The following C6 variants were observed in gnomAD, a reference collection of about 807,000 sequenced individuals.
The protein encoded by C6 is complement C6.
Under a neutral mutation model 112.9 loss-of-function variants are expected in C6, and 101 were observed. That is an observed-to-expected ratio of 0.89 (90% CI 0.76 to 1.06). C6 has a LOEUF of 1.06. Ranked by LOEUF, C6 falls within the 50% of genes least tolerant of loss-of-function variation. C6 has a pLI of 0.00. For synonymous variants in C6, 431 were observed against 384.1 expected, an observed-to-expected ratio of 1.12 and a Z score of -1.43; for missense variants, 1,202 against 1,104.6, an observed-to-expected ratio of 1.09 and a Z score of -1.25.
upstream of C6, among the ~76,000 whole-genome samples, chr5:41,216,781 C>A (rs982198106): frequency 1.3e-5 from 2 of 152,038 alleles, no homozygotes; most frequent in African/African-American, 4.8e-5. Context: ...GGTCTCTGAG[C>A]TTTAGAACTC....
intron 1 of C6, among the ~76,000 whole-genome samples, chr5:41,210,693 A>C (rs935168796): frequency 6.6e-6 from 1 of 152,200 alleles, no homozygotes; most frequent in Non-Finnish European, 1.5e-5. Flanking sequence ...GTGAGATACC[A>C]TCTCACACCA....
chr5:41,225,749 CAG>C (rs1249713847), intron 1 of C6, among the ~76,000 whole-genome samples: 2 of 152,086 alleles, frequency 1.3e-5, no homozygotes, highest in Admixed American at 1.3e-4. Context: ...GGTACCAAAA[CAG>C]AGATATAGAC....
At chr5:41,222,908 A>G (rs945343423) in intron 1 of C6, among the ~76,000 whole-genome samples, 1 of 152,194 alleles carries the variant, frequency 6.6e-6, no homozygotes, top group African/African-American at 2.4e-5. Flanking sequence ...TTAAATGGGA[A>G]TAAATTTAAT....
intron 1 of C6, among the ~76,000 whole-genome samples, chr5:41,222,548 A>G (rs903683789): frequency 6.6e-6 from 1 of 152,166 alleles, no homozygotes; most frequent in African/African-American, 2.4e-5. Context: ...AAAGTTTCTA[A>G]CAAGTTTCCT....
At chr5:41,187,705 C>CACA (rs1376741038) in intron 5 of C6, among the ~76,000 whole-genome samples, 1 of 115,440 alleles carries the variant, frequency 8.7e-6, no homozygotes, top group Non-Finnish European at 1.9e-5. Context: ...CACATACACA[C>CACA]ACACACACAC....
chr5:41,181,496 T>C lies in C6; in HGVS notation c.790A>G (p.Asn264Asp). 1 of 1,613,804 alleles carries C rather than the reference T, an allele frequency of 6.2e-7. No homozygotes were observed. Among genetic ancestry groups the C allele is most frequent in the Non-Finnish European group, 8.5e-7 (1 of 1,179,850 alleles). ...FYKDLTSLGH[N>D]ENQQGSFSSQ... is the part of the protein sequence containing the mutation. Reference sequence around the variant, plus strand: ...GAGAATGAGCCTTGTTGATTTTCATTGTGTCCAAGAGAAGTTAAATCCTTG... The same window carrying C: ...GAGAATGAGCCTTGTTGATTTTCATCGTGTCCAAGAGAAGTTAAATCCTTG... Residue 264 changes from asparagine to aspartate, a missense_variant, in exon 7 of 18, where the codon AAT (asparagine) becomes GAT (aspartate). Asn to Asp is a conservative substitution (Grantham distance 23). Coordinates refer to ENST00000337836, the MANE Select transcript of C6 (RefSeq NM_000065.5).
upstream of C6, among the ~76,000 whole-genome samples, chr5:41,218,305 T>TG (rs1738928159): frequency 6.6e-6 from 1 of 152,134 alleles, no homozygotes; most frequent in Non-Finnish European, 1.5e-5. Context: ...ATTACCACTG[T>TG]TGTCATTATC....
chr5:41,251,172 G>T (rs530709655), intron 1 of C6, among the ~76,000 whole-genome samples: 1 of 152,172 alleles, frequency 6.6e-6, no homozygotes, highest in African/African-American at 2.4e-5. Flanking sequence ...AAGTATTTTA[G>T]TTATTATGCA....
intron 1 of C6, among the ~76,000 whole-genome samples, chr5:41,258,072 C>T (rs1267796421): frequency 1.3e-5 from 2 of 152,014 alleles, no homozygotes; most frequent in Non-Finnish European, 1.5e-5. Flanking sequence ...AAAAACCCAC[C>T]AGGCATGGTC....
Position 41,149,467 on chromosome 5 carries a change from ATCT to A in C6, c.2394_2396del (p.Glu798del), listed in dbSNP as rs545042906. 383 of 1,614,032 alleles carry A rather than the reference ATCT, an allele frequency of 2.4e-4. No homozygotes were observed. In the African/African-American group the frequency reaches 4.4e-3, roughly 19 times the overall value. On this transcript the variant is annotated inframe_deletion, in exon 17 of 18. Transcript: ENST00000337836. The stretch of plus-strand genomic sequence containing the variant: ...TGGAGTCTGTGTCAAACACACAGAG[ATCT>A]TCTGAATGATGGCTGCCCAAGAGAG...
At chr5:41,196,548 G>A (rs775963259) in intron 4 of C6, among the ~76,000 whole-genome samples, 7 of 151,612 alleles carry the variant, frequency 4.6e-5, no homozygotes, top group Non-Finnish European at 7.4e-5. Context: ...TCTTGACATA[G>A]GATTGTTTAC....
intron 5 of C6, among the ~76,000 whole-genome samples, chr5:41,191,655 T>C (rs1750223574): frequency 6.6e-6 from 1 of 152,100 alleles, no homozygotes; most frequent in African/African-American, 2.4e-5. Context: ...TTCCTAGGTA[T>C]TTTTTTGTAG....
intron 5 of C6, among the ~76,000 whole-genome samples, chr5:41,190,786 A>G (rs939074764): frequency 7.9e-5 from 12 of 152,130 alleles, no homozygotes; most frequent in African/African-American, 2.4e-4. Context: ...GTATAGCATG[A>G]GTGGTGGGGG....
chr5:41,256,897 C>A (rs542391612), intron 1 of C6, among the ~76,000 whole-genome samples: 1 of 152,258 alleles, frequency 6.6e-6, no homozygotes, highest in East Asian at 1.9e-4. Context: ...CACTTTCCAT[C>A]CCCAAGTCCA....
At chr5:41,146,123 T>C (rs1745798597) in intron 17 of C6, among the ~76,000 whole-genome samples, 2 of 152,184 alleles carry the variant, frequency 1.3e-5, no homozygotes, top group Non-Finnish European at 1.5e-5. Context: ...GGGTGCCTCA[T>C]CTTAAAACCA....
At chr5:41,182,418 A>G (rs1163015109) in intron 6 of C6, among the ~76,000 whole-genome samples, 1 of 152,302 alleles carries the variant, frequency 6.6e-6, no homozygotes, top group Non-Finnish European at 1.5e-5. Context: ...TTGATATTGC[A>G]GTGTAACCTA....
At chr5:41,182,833 A>G (rs1344043410) in intron 6 of C6, among the ~76,000 whole-genome samples, 1 of 152,228 alleles carries the variant, frequency 6.6e-6, no homozygotes, top group Non-Finnish European at 1.5e-5. Flanking sequence ...CTATGACTTC[A>G]GCCATACCAC....
chr5:41,231,420 T>C (rs1157712092), intron 1 of C6, among the ~76,000 whole-genome samples: 2 of 152,182 alleles, frequency 1.3e-5, no homozygotes, highest in South Asian at 2.1e-4. Context: ...CAGTTAAAGT[T>C]ACAGAATTCA....
At chr5:41,143,788 A>T (rs957879128) in intron 17 of C6, among the ~76,000 whole-genome samples, 1 of 151,978 alleles carries the variant, frequency 6.6e-6, no homozygotes, top group East Asian at 1.9e-4. Flanking sequence ...ATGCCTGGGG[A>T]TCTGTATTTT....
Sources: gnomAD v4.1 joint callset for allele counts (sites outside exome capture counted in the v4.1 genomes callset) on GRCh38, gnomAD v4.1.1 for gene constraint, MANE v1.5 for transcripts, NCBI Gene and HGNC (gene_info 2026-07-23, HGNC 2026-07-21) for gene names.